The following WDR35 variants were observed in gnomAD, a reference collection of about 807,000 sequenced individuals.
WDR35 encodes WD repeat domain 35, also known as WD repeat-containing protein 35.
WDR35 carries 118 observed loss-of-function variants against 158.3 expected under a neutral mutation model. That is an observed-to-expected ratio of 0.75 (90% CI 0.64 to 0.87). WDR35 has a LOEUF of 0.87. Among genes scored for constraint, WDR35 ranks in the 40% least tolerant of loss-of-function variants. The probability of loss-of-function intolerance (pLI) is 0.00; values close to 1 mark genes in which losing one functional copy is unlikely to be tolerated. For missense variants in WDR35, 1,263 were observed against 1,405.8 expected, an observed-to-expected ratio of 0.90 and a Z score of 1.62; for synonymous variants, 448 against 476.1, an observed-to-expected ratio of 0.94 and a Z score of 0.77.
chr2:19,975,365 T>C (rs1218372129), intron 6 of WDR35, among the ~76,000 whole-genome samples, 165 bp downstream of exon 6: 2 of 152,092 alleles, frequency 1.3e-5, no homozygotes, highest in African/African-American at 2.4e-5. Context: ...AAATTTTATT[T>C]AATTAAAACA....
Position 19,941,782 on chromosome 2 carries a change from C to T in WDR35, c.1903G>A (p.Val635Ile). 1 of 1,568,302 alleles carries T rather than the reference C, an allele frequency of 6.4e-7. No individual in the cohort carries two copies. Among genetic ancestry groups the T allele is most frequent in the Non-Finnish European group, 8.7e-7 (1 of 1,147,600 alleles). The change falls in exon 17 of 27, where the codon GTT becomes ATT. Residue 635 changes from valine (V) to isoleucine (I), a missense_variant. Transcript: ENST00000281405. ...CNFEDLEIKS[V>I]LLDEILKDPE... ...ACCTTTAATATCTCATCCAAAAGAA[C>T]AGATTTAATTTCTAAATCCTCAAAA...
intron 8 of WDR35, among the ~76,000 whole-genome samples, chr2:19,972,379 T>C (rs982513716): frequency 1.3e-5 from 2 of 152,214 alleles, no homozygotes; most frequent in East Asian, 3.8e-4. Context: ...TTAGAACCCA[T>C]GTTTTTCTAC....
At chr2:19,946,775 A>T (rs980994573) in intron 14 of WDR35, among the ~76,000 whole-genome samples, 2 of 151,980 alleles carry the variant, frequency 1.3e-5, no homozygotes, top group Non-Finnish European at 2.9e-5. Flanking sequence ...AAGTATTCTA[A>T]TTTTTTTTCA....
intron 5 of WDR35, among the ~76,000 whole-genome samples, chr2:19,975,894 C>T (rs1337128568): frequency 6.6e-6 from 1 of 152,188 alleles, no homozygotes. Flanking sequence ...TGCTGGATCT[C>T]ACTCCCAATT....
intron 1 of WDR35, 136 bp downstream of exon 1, chr2:19,989,856 G>A (rs1672693940): frequency 9.7e-6 from 14 of 1,436,204 alleles, no homozygotes; most frequent in Non-Finnish European, 1.3e-5. Flanking sequence ...GCTGGACCCG[G>A]CGGGAAGGAT....
At chr2:19,969,364 A>G (rs1408619173) in intron 9 of WDR35, 116 bp downstream of exon 9, 3 of 1,139,404 alleles carry the variant, frequency 2.6e-6, no homozygotes, top group Admixed American at 2.6e-5. Context: ...TCTTCACACA[A>G]AAAGGCTTCC....
chr2:19,938,289 T>C lies in WDR35; in HGVS notation c.2039A>G (p.Glu680Gly). 1 of 1,614,098 alleles carries C rather than the reference T, an allele frequency of 6.2e-7. No homozygotes were observed. The highest frequency in any genetic ancestry group is 1.3e-5 in the African/African-American group (1 of 75,030). ...VGIKDASQFI[E>G]DNPHPRLWRL... ...CCAAAGTCGGGGGTGTGGATTGTCC[T>C]CTATGAACTGAGATGCATCTTTAAT... The change falls in exon 18 of 27, where the codon GAG becomes GGG. Residue 680 changes from glutamate to glycine, a missense_variant. Physicochemically the swap from Glu to Gly is moderately conservative, Grantham distance 98. Coordinates refer to ENST00000281405, the MANE Select transcript of WDR35 (RefSeq NM_020779.4).
chr2:19,945,924 C>T lies in WDR35; in HGVS notation c.1707G>A (p.Thr569=), dbSNP rs775533384. The change falls in exon 16 of 27, where the codon ACG becomes ACA. Residue 569 remains threonine, a synonymous_variant. Transcript: ENST00000281405. ...ACAACTCTCCAACTACTTGCTGTCC[C>T]GTACTGTCCGTTACTCGAGCATCCA... ...FDLDARVTDS[T]GQQVVGELLK... 12 of 1,613,904 alleles carry T rather than the reference C, an allele frequency of 7.4e-6. No homozygotes were observed. In the South Asian group the frequency reaches 7.7e-5, roughly 10 times the overall value.
At position 19,945,907 on chromosome 2, in the gene WDR35, C is replaced by G; in HGVS notation, c.1724G>C (p.Gly575Ala). The change falls in exon 16 of 27, where the codon GGA becomes GCA. Residue 575 changes from glycine (G) to alanine (A), a missense_variant. By Grantham distance (60) the Gly-to-Ala change is moderately conservative. Transcript: ENST00000281405. The part of the protein sequence containing the change: ...VTDSTGQQVV[G>A]ELLKLERRDV... ...TCTTCGTTCCAATTTTAACAACTCT[C>G]CAACTACTTGCTGTCCCGTACTGTC... is the stretch of plus-strand genomic sequence containing the variant. The G allele has an allele frequency of 6.2e-7, 1 of 1,614,004 alleles. No individual in the cohort carries two copies.
intron 18 of WDR35, 114 bp from the exon 19 acceptor site, chr2:19,938,060 G>T: frequency 1.4e-6 from 2 of 1,418,644 alleles, no homozygotes; most frequent in African/African-American, 1.4e-5. Flanking sequence ...AAACATGGTG[G>T]AAAGTAACAT....
In WDR35 at chr2:19,969,619, T is replaced by A. The variant is rs1459784174; in HGVS notation, c.883-14A>T. On this transcript the variant is annotated splice_polypyrimidine_tract_variant and intron_variant, in intron 8 of 26. Transcript: ENST00000281405. ...AGTACCCAGATGCTGAAAAAGAAAG[T>A]TATCTTTAACCTAAAGTATAACAAT... is the stretch of plus-strand genomic sequence containing the variant. The A allele has an allele frequency of 2.1e-5, 34 of 1,612,706 alleles. No homozygotes were observed. The highest frequency in any genetic ancestry group is 2.5e-5 in the Non-Finnish European group (29 of 1,179,408).
intron 18 of WDR35, 108 bp downstream of exon 18, chr2:19,938,157 A>T (rs1005030774): frequency 6.7e-7 from 1 of 1,492,638 alleles, no homozygotes; most frequent in African/African-American, 1.4e-5. Context: ...GAAGAGCAAG[A>T]ATGGAAGTCT....
At chr2:19,986,422 A>T (rs1490621688) in intron 2 of WDR35, among the ~76,000 whole-genome samples, 1 of 152,236 alleles carries the variant, frequency 6.6e-6, no homozygotes, top group East Asian at 1.9e-4. Flanking sequence ...AGTTCTCAGG[A>T]ATTCTAATAG....
rs200669742 is a variant in WDR35, at chr2:19,942,559, A to T, written c.1846-720T>A. Among the ~76,000 whole-genome samples, 5 of 149,322 alleles carry T rather than the reference A, an allele frequency of 3.3e-5. No individual in the cohort carries two copies. In the East Asian group the frequency reaches 9.8e-4, roughly 29 times the overall value. On this transcript the variant is annotated intron_variant, in intron 16 of 26. Transcript: ENST00000281405. ...GTTTATCATTAGAAATTTTTTTTTT[A>T]TTTTTGGCAAGACAGTGCAACAAAA... is the stretch of plus-strand genomic sequence containing the variant.
At position 19,982,446 on chromosome 2, in the gene WDR35, G is replaced by T; in HGVS notation, c.214+17C>A. On this transcript the variant is annotated intron_variant, in intron 3 of 26. Transcript: ENST00000281405. ...AATACCACTCAAACATGACTTAAAA[G>T]AAATTGAATGACTCACCACTATGAC... 1.2e-6 allele frequency: 2 copies of T among 1,612,180 alleles called. No individual in the cohort carries two copies. Among genetic ancestry groups the T allele is most frequent in the South Asian group, 1.1e-5 (1 of 90,784 alleles).
At chr2:19,988,773 T>C (rs891017086) in intron 2 of WDR35, among the ~76,000 whole-genome samples, 4 of 152,190 alleles carry the variant, frequency 2.6e-5, no homozygotes, top group African/African-American at 4.8e-5. Context: ...ACTAGGTGAA[T>C]AACCATTAAT....
intron 25 of WDR35, among the ~76,000 whole-genome samples, chr2:19,915,611 G>C (rs1186569229): frequency 6.6e-6 from 1 of 151,656 alleles, no homozygotes; most frequent in Non-Finnish European, 1.5e-5. Flanking sequence ...ATGAAGGTCA[G>C]TTATAAAATA....
chr2:19,913,577 C>A lies in WDR35; in HGVS notation c.3494G>T (p.Cys1165Phe). 1.2e-6 allele frequency: 2 copies of A among 1,613,958 alleles called. No individual in the cohort carries two copies. The highest frequency in any genetic ancestry group is 1.7e-6 in the Non-Finnish European group (2 of 1,179,936). ...ATTCCTTTATCCCACTGGACTATGG[C>A]ATAAGGGGCAGAAGCTGTAGTGGCT... is the stretch of plus-strand genomic sequence containing the variant. ...EISHYSFCPL[C>F]HSPVG The change falls in exon 27 of 27, where the codon TGC becomes TTC. Residue 1165 changes from cysteine (C) to phenylalanine (F), a missense_variant. Transcript: ENST00000281405.
Position 19,953,814 on chromosome 2 carries a change from G to C in WDR35, c.1400+20C>G, listed in dbSNP as rs1348749090. ...TGTGATATGGTTGAGCTACTAAAAA[G>C]TATGTATCAAAAGATATACCTTTCT... On this transcript the variant is annotated intron_variant, in intron 12 of 26. Transcript: ENST00000281405. 1 of 1,613,728 alleles carries C rather than the reference G, an allele frequency of 6.2e-7. No homozygotes were observed. Among genetic ancestry groups the C allele is most frequent in the Non-Finnish European group, 8.5e-7 (1 of 1,179,982 alleles).
Sources: gnomAD v4.1 joint callset for allele counts (sites outside exome capture counted in the v4.1 genomes callset) on GRCh38, gnomAD v4.1.1 for gene constraint, MANE v1.5 for transcripts, NCBI Gene and HGNC (gene_info 2026-07-23, HGNC 2026-07-21) for gene names.